The following LRRC7 variants were observed in gnomAD, a reference collection of about 807,000 sequenced individuals.
LRRC7 encodes leucine-rich repeat-containing protein 7.
Under a neutral mutation model 175.7 loss-of-function variants are expected in LRRC7, and 23 were observed. The observed-to-expected ratio is 0.13, with a 90% CI of 0.09 to 0.19. The LOEUF is 0.19. Ranked by LOEUF, LRRC7 falls within the 10% of genes least tolerant of loss-of-function variation. LRRC7 has a pLI of 1.00. For synonymous variants in LRRC7, 685 were observed against 680.9 expected (o/e 1.01, Z -0.09); for missense variants, 1,354 against 1,904.7 (o/e 0.71, Z 5.38).
intron 2 of LRRC7, among the ~76,000 whole-genome samples, chr1:69,744,729 A>G (rs1444537667): frequency 2.6e-5 from 4 of 151,862 alleles, no homozygotes; most frequent in African/African-American, 9.7e-5. Flanking sequence ...AGCCCACTCA[A>G]TGGAAGTGCT....
chr1:69,724,273 C>T (rs1019253897), intron 2 of LRRC7, among the ~76,000 whole-genome samples: 19 of 152,092 alleles, frequency 1.2e-4, no homozygotes, highest in Non-Finnish European at 2.2e-4. Context: ...ACCCAGCAGG[C>T]GGAGGTTGCA....
chr1:69,914,471 T>C (rs979393498), intron 7 of LRRC7, among the ~76,000 whole-genome samples: 1 of 152,140 alleles, frequency 6.6e-6, no homozygotes, highest in Non-Finnish European at 1.5e-5. Flanking sequence ...GGACTTAATT[T>C]TAATAAATGC....
At chr1:69,897,882 G>C (rs899641234) in intron 7 of LRRC7, among the ~76,000 whole-genome samples, 1 of 152,146 alleles carries the variant, frequency 6.6e-6, no homozygotes, top group Non-Finnish European at 1.5e-5. Context: ...CTGGCAAATG[G>C]GAGTTGAAAG....
At chr1:70,119,319 A>G (rs1215520827) in intron 26 of LRRC7, among the ~76,000 whole-genome samples, 1 of 152,040 alleles carries the variant, frequency 6.6e-6, no homozygotes, top group African/African-American at 2.4e-5. Context: ...GTCTTCAGAT[A>G]TTAATTCAAT....
chr1:70,091,305 T>G (rs1335539377), intron 25 of LRRC7, among the ~76,000 whole-genome samples: 2 of 152,178 alleles, frequency 1.3e-5, no homozygotes, highest in South Asian at 4.1e-4. Flanking sequence ...TTCAAAATTA[T>G]CAGAAGCATG....
At chr1:69,899,277 A>G (rs1293588568) in intron 7 of LRRC7, among the ~76,000 whole-genome samples, 1 of 152,282 alleles carries the variant, frequency 6.6e-6, no homozygotes, top group South Asian at 2.1e-4. Context: ...GGAATTGTTT[A>G]TGATCAGCAG....
intron 1 of LRRC7, among the ~76,000 whole-genome samples, chr1:69,584,428 T>G (rs80140530): frequency 0.073 from 11,052 of 152,164 alleles, 631 homozygotes; most frequent in African/African-American, 0.16. Flanking sequence ...GCATGCATAG[T>G]TGAATTTCAG....
chr1:69,955,740 G>A (rs953173977), intron 8 of LRRC7, among the ~76,000 whole-genome samples: 1 of 151,818 alleles, frequency 6.6e-6, no homozygotes, highest in Admixed American at 6.6e-5. Flanking sequence ...ATGAATCCAA[G>A]CAATTTTTTT....
intron 1 of LRRC7, among the ~76,000 whole-genome samples, chr1:69,576,259 T>TA (rs35773413): frequency 0.42 from 63,092 of 151,246 alleles, 13,785 homozygotes; most frequent in Middle Eastern, 0.52. Flanking sequence ...GAAGGTCCTT[T>TA]AAATAGTAAG....
chr1:69,910,100 G>A (rs947475271), intron 7 of LRRC7, among the ~76,000 whole-genome samples: 27 of 152,066 alleles, frequency 1.8e-4, no homozygotes, highest in East Asian at 5.8e-4. Flanking sequence ...CGTAGTTCTC[G>A]AGCCTTGGCT....
intron 2 of LRRC7, among the ~76,000 whole-genome samples, chr1:69,709,879 T>A (rs1664527363): frequency 6.6e-6 from 1 of 152,156 alleles, no homozygotes. Context: ...TTTCTTATGA[T>A]AATGGTAGGG....
chr1:70,020,970 T>TA (rs374689972), intron 15 of LRRC7, 35 bp from the exon 16 acceptor site: 6 of 1,565,272 alleles, frequency 3.8e-6, no homozygotes, highest in Admixed American at 3.9e-5. Context: ...AATTGTTTTT[T>TA]AAAAAAACAA....
intron 8 of LRRC7, among the ~76,000 whole-genome samples, chr1:69,978,066 G>A (rs1653011627): frequency 6.6e-6 from 1 of 152,186 alleles, no homozygotes; most frequent in Non-Finnish European, 1.5e-5. Flanking sequence ...GGGAGGCTGA[G>A]GCAGGTGGAT....
Position 70,122,072 on chromosome 1 carries a change from G to T in LRRC7, c.*185G>T. On this transcript the variant is annotated 3_prime_UTR_variant, in exon 27 of 27. Coordinates refer to ENST00000651989, the MANE Select transcript of LRRC7 (RefSeq NM_001370785.2). The stretch of plus-strand genomic sequence containing the variant: ...AACTCTATAAATATGATGTTCATGT[G>T]GTTATGTATTAGTTTTAATTGTCAG... 1 of 451,854 alleles carries T rather than the reference G, an allele frequency of 2.2e-6. No homozygotes were observed. The highest frequency in any genetic ancestry group is 3.9e-6 in the Non-Finnish European group (1 of 255,624). 28.0% of individuals were successfully genotyped at this position (451,854 alleles called of 1,614,324 possible).
intron 1 of LRRC7, among the ~76,000 whole-genome samples, chr1:69,673,356 C>T (rs959087398): frequency 2.6e-5 from 4 of 152,286 alleles, no homozygotes; most frequent in Non-Finnish European, 4.4e-5. Context: ...CCTGGCTGCC[C>T]TTATTTCCTC....
chr1:70,046,722 G>T (rs1455015345), intron 22 of LRRC7, among the ~76,000 whole-genome samples: 1 of 152,060 alleles, frequency 6.6e-6, no homozygotes, highest in African/African-American at 2.4e-5. Context: ...TGCAATAATA[G>T]CTCTGGGTTC....
At chr1:69,576,885 G>A (rs1360225776) in intron 1 of LRRC7, among the ~76,000 whole-genome samples, 1 of 152,150 alleles carries the variant, frequency 6.6e-6, no homozygotes, top group Non-Finnish European at 1.5e-5. Flanking sequence ...AATACGAGAT[G>A]TCAACCTCTC....
chr1:70,088,996 C>T (rs1378865254), intron 24 of LRRC7, among the ~76,000 whole-genome samples: 1 of 151,946 alleles, frequency 6.6e-6, no homozygotes, highest in East Asian at 1.9e-4. Context: ...GAATGTTTGC[C>T]CTTGTGTTGC....
At chr1:69,734,419 A>G (rs1165478416) in intron 2 of LRRC7, among the ~76,000 whole-genome samples, 2 of 151,966 alleles carry the variant, frequency 1.3e-5, no homozygotes, top group African/African-American at 2.4e-5. Context: ...ATAATACAGT[A>G]TGTGAGTTTT....
Sources: allele counts gnomAD v4.1 joint callset (sites outside exome capture counted in the v4.1 genomes callset), GRCh38; gene constraint gnomAD v4.1.1; transcripts MANE v1.5; gene names NCBI Gene and HGNC (gene_info 2026-07-23, HGNC 2026-07-21).